STPG2: variants seen among roughly 807,000 people sequenced by gnomAD.
The protein encoded by STPG2 is sperm-tail PG-rich repeat-containing protein 2.
Under a neutral mutation model 54.2 loss-of-function variants are expected in STPG2, and 56 were observed. The ratio of observed to expected loss-of-function variants is 1.03; its 90% CI spans 0.83 to 1.29. STPG2 has a LOEUF of 1.29. Among genes scored for constraint, STPG2 ranks in the 50% most tolerant of loss-of-function variants. STPG2 has a pLI of 0.00. For missense variants in STPG2, 596 were observed against 544.9 expected (o/e 1.09, Z -0.93); for synonymous variants, 200 against 181.8 (o/e 1.10, Z -0.81).
chr4:97,662,787 G>C (rs1722411644), intron 10 of STPG2, among the ~76,000 whole-genome samples: 1 of 152,128 alleles, frequency 6.6e-6, no homozygotes, highest in African/African-American at 2.4e-5. Context: ...TGGACTACTA[G>C]AGTGGGGAGG....
intron 9 of STPG2, among the ~76,000 whole-genome samples, chr4:97,783,341 C>T (rs1035952599): frequency 2.0e-5 from 3 of 152,144 alleles, no homozygotes; most frequent in African/African-American, 7.2e-5. Flanking sequence ...TCATCACTGG[C>T]CATCAGAGAA....
At chr4:97,821,766 G>A (rs1440831189) in intron 9 of STPG2, among the ~76,000 whole-genome samples, 1 of 152,184 alleles carries the variant, frequency 6.6e-6, no homozygotes, top group Non-Finnish European at 1.5e-5. Context: ...ACTACAGCCT[G>A]AGCTATACCT....
At chr4:97,709,702 CA>C (rs1331724937) in intron 10 of STPG2, among the ~76,000 whole-genome samples, 5 of 151,448 alleles carry the variant, frequency 3.3e-5, no homozygotes, top group African/African-American at 1.2e-4. Flanking sequence ...AATAAAAAAT[CA>C]GTATATTTGA....
At chr4:97,503,091 A>C (rs974924794) in intron 4 of STPG2, among the ~76,000 whole-genome samples, 2 of 152,046 alleles carry the variant, frequency 1.3e-5, no homozygotes, top group East Asian at 1.9e-4. Context: ...TAGGATTATA[A>C]ATATTTGATT....
intron 10 of STPG2, among the ~76,000 whole-genome samples, chr4:97,697,703 G>C (rs1033523159): frequency 6.6e-6 from 1 of 152,194 alleles, no homozygotes; most frequent in Non-Finnish European, 1.5e-5. Context: ...ATATGCTCGT[G>C]ATGGCTATGA....
At chr4:97,861,044 C>G (rs1179603945) in intron 8 of STPG2, among the ~76,000 whole-genome samples, 2 of 152,098 alleles carry the variant, frequency 1.3e-5, no homozygotes, top group Non-Finnish European at 2.9e-5. Flanking sequence ...ATACAATCAA[C>G]AAAGTGAAGA....
At chr4:97,986,962 T>C (rs1734849875) in intron 5 of STPG2, among the ~76,000 whole-genome samples, 2 of 152,188 alleles carry the variant, frequency 1.3e-5, no homozygotes, top group Admixed American at 1.3e-4. Flanking sequence ...AAATTGACTT[T>C]TAATGTCATA....
intron 3 of STPG2, among the ~76,000 whole-genome samples, chr4:98,127,300 T>C (rs1267603670): frequency 6.6e-6 from 1 of 152,194 alleles, no homozygotes; most frequent in Non-Finnish European, 1.5e-5. Context: ...ACAGTATCTA[T>C]GTGTTTGAAA....
intron 7 of STPG2, among the ~76,000 whole-genome samples, chr4:97,952,216 G>T (rs1733498727): frequency 6.6e-6 from 1 of 152,096 alleles, no homozygotes; most frequent in South Asian, 2.1e-4. Flanking sequence ...TTGTCTAGGT[G>T]CACCCATGCT....
rs188112373 is a variant in STPG2 at position 97,863,761 on chromosome 4, G to A, written c.1045-22829C>T. 1.7e-3 allele frequency among the ~76,000 whole-genome samples: 262 copies of A among 152,196 alleles called. 1 individual carries two copies. The highest frequency in any genetic ancestry group is 5.4e-3 in the African/African-American group (223 of 41,540). The stretch of plus-strand genomic sequence containing the variant: ...AAAGCTTATCCACCATGGTTAAGTG[G>A]GCTTCATCCCTGGGATGCAAGGCTG... On this transcript the variant is annotated intron_variant, in intron 8 of 10. Coordinates refer to ENST00000295268, the MANE Select transcript of STPG2 (RefSeq NM_174952.3).
intron 8 of STPG2, among the ~76,000 whole-genome samples, chr4:97,901,928 A>G (rs1731191432): frequency 6.6e-6 from 1 of 152,074 alleles, no homozygotes; most frequent in South Asian, 2.1e-4. Context: ...AGCTATAATA[A>G]TCAAACAGTA....
chr4:97,544,093 T>A (rs1465014631), intron 4 of STPG2, among the ~76,000 whole-genome samples: 1 of 152,086 alleles, frequency 6.6e-6, no homozygotes, highest in Non-Finnish European at 1.5e-5. Flanking sequence ...AATAGCTTCC[T>A]AACAAATTTA....
chr4:97,861,395 G>A (rs1274172297), intron 8 of STPG2, among the ~76,000 whole-genome samples: 1 of 152,114 alleles, frequency 6.6e-6, no homozygotes, highest in African/African-American at 2.4e-5. Flanking sequence ...CTGTTGGTGG[G>A]AATGTAAATT....
At chr4:97,961,177 T>TC (rs1733876118) in intron 7 of STPG2, among the ~76,000 whole-genome samples, 1 of 151,742 alleles carries the variant, frequency 6.6e-6, no homozygotes, top group South Asian at 2.1e-4. Flanking sequence ...TCCTCATTTC[T>TC]CACCTTATAC....
chr4:97,741,005 C>T (rs1473790208), intron 9 of STPG2, among the ~76,000 whole-genome samples: 2 of 151,988 alleles, frequency 1.3e-5, no homozygotes, highest in African/African-American at 4.8e-5. Context: ...GGTACTGGTA[C>T]CAAACAGAGA....
intron 10 of STPG2, among the ~76,000 whole-genome samples, chr4:97,584,896 AG>A (rs1282796429): frequency 1.3e-5 from 2 of 151,854 alleles, no homozygotes; most frequent in Non-Finnish European, 2.9e-5. Context: ...AAAAAAGTCC[AG>A]AACCAGATGG....
rs886417297 is a variant in STPG2, at chr4:97,912,812, G to T, written c.1044+31085C>A. Reference sequence around the variant, plus strand: ...ATGCCATGCATTGGCATTTTGTAAAGTTCTCTAGATGATTCTAAGAAGCTT... The same window carrying T: ...ATGCCATGCATTGGCATTTTGTAAATTTCTCTAGATGATTCTAAGAAGCTT... On this transcript the variant is annotated intron_variant, in intron 8 of 10. Coordinates refer to ENST00000295268, the MANE Select transcript of STPG2 (RefSeq NM_174952.3). 6.6e-5 allele frequency among the ~76,000 whole-genome samples: 10 copies of T among 152,212 alleles called. 1 individual carries two copies. The highest frequency in any genetic ancestry group is 6.5e-4 in the Admixed American group (10 of 15,288).
chr4:98,093,530 G>A (rs1212814311), intron 5 of STPG2, among the ~76,000 whole-genome samples: 1 of 152,128 alleles, frequency 6.6e-6, no homozygotes, highest in Non-Finnish European at 1.5e-5. Context: ...CTCTCCTGCT[G>A]GAACACAAAA....
At chr4:97,607,831 G>A (rs10020794) in intron 10 of STPG2, among the ~76,000 whole-genome samples, 73,619 of 151,808 alleles carry the variant, frequency 0.48, 19,854 homozygotes, top group South Asian at 0.65. Context: ...CTGCAGAGGA[G>A]AATAAATAGG....
Sources: gnomAD v4.1 joint callset for allele counts (sites outside exome capture counted in the v4.1 genomes callset) on GRCh38, gnomAD v4.1.1 for gene constraint, MANE v1.5 for transcripts, NCBI Gene and HGNC (gene_info 2026-07-23, HGNC 2026-07-21) for gene names.